The following COLGALT1 variants were observed in gnomAD, a reference collection of about 807,000 sequenced individuals.
The protein encoded by COLGALT1 is procollagen galactosyltransferase 1.
A neutral mutation model predicts 60.8 loss-of-function variants in COLGALT1; 43 were observed. The ratio of observed to expected loss-of-function variants is 0.71; its 90% CI spans 0.55 to 0.91. COLGALT1 has a LOEUF of 0.91. COLGALT1 is among the 40% of genes least tolerant of loss of function. COLGALT1 has a pLI of 0.00. For synonymous variants in COLGALT1, 369 were observed against 374.2 expected, an observed-to-expected ratio of 0.99 and a Z score of 0.16; for missense variants, 845 against 880.0, an observed-to-expected ratio of 0.96 and a Z score of 0.50.
At chr19:17,578,777 G>A (rs572395784) in intron 9 of COLGALT1, among the ~76,000 whole-genome samples, 9 of 152,270 alleles carry the variant, frequency 5.9e-5, no homozygotes, top group African/African-American at 2.2e-4. Flanking sequence ...TTGGGAGGCC[G>A]AGGCAGGCGG....
At chr19:17,580,125 A>G (rs1381036951) in intron 10 of COLGALT1, 2 of 188,018 alleles carry the variant, frequency 1.1e-5, no homozygotes, top group East Asian at 1.4e-4. Flanking sequence ...GTGTGGTCAG[A>G]GCTGGAGGTG....
At chr19:17,567,297 C>A in intron 3 of COLGALT1, 109 bp from the exon 4 acceptor site, 1 of 1,443,922 alleles carries the variant, frequency 6.9e-7, no homozygotes, top group Non-Finnish European at 9.5e-7. Flanking sequence ...GTAGGGGGTG[C>A]TTCCAGAGGT....
chr19:17,559,168 A>T (rs1183101369), intron 1 of COLGALT1, 143 bp from the exon 2 acceptor site: 1 of 674,986 alleles, frequency 1.5e-6, no homozygotes, highest in African/African-American at 1.8e-5. Context: ...TCAAAAAAAA[A>T]CAAAGGAAAG....
rs200477437 is a variant in COLGALT1 at position 17,568,546 on chromosome 19, G to T, written c.662G>T (p.Arg221Leu). 2 of 1,614,150 alleles carry T rather than the reference G, an allele frequency of 1.2e-6. No homozygotes were observed. Among genetic ancestry groups the T allele is most frequent in the Admixed American group, 1.7e-5 (1 of 59,996 alleles). Residue 221 changes from arginine to leucine, a missense_variant, in exon 5 of 12, where the codon CGC becomes CTC. Arg to Leu is a moderately radical substitution (Grantham distance 102). Transcript: ENST00000252599. The stretch of plus-strand genomic sequence containing the variant: ...CGCACACCTGCCTACATCCCTATCC[G>T]CAAGCGAGACCGCCGGGGCTGCTTT... The part of the protein sequence containing the change: ...YKRTPAYIPI[R>L]KRDRRGCFAV...
chr19:17,577,417 G>A lies in COLGALT1; in HGVS notation c.1083G>A (p.Ala361=), dbSNP rs781110203. Residue 361 remains alanine (A), a synonymous_variant, in exon 8 of 12, where the codon GCG becomes GCA. Transcript: ENST00000252599. ...ACCGGCGGGAGCGCATGCTGCGGGC[G>A]CTGCAGGCACAGGAGATCGAGTGCC... ...RQDRRERMLR[A]LQAQEIECRL... 6.4e-7 allele frequency: 1 copy of A among 1,559,472 alleles called. No homozygotes were observed. Among genetic ancestry groups the A allele is most frequent in the Non-Finnish European group, 8.6e-7 (1 of 1,158,952 alleles).
chr19:17,562,149 G>A (rs1012451603), intron 3 of COLGALT1, among the ~76,000 whole-genome samples: 4 of 152,188 alleles, frequency 2.6e-5, no homozygotes, highest in Admixed American at 6.6e-5. Flanking sequence ...TGGGATTATA[G>A]GTGTGAGCCA....
intron 6 of COLGALT1, 95 bp from the exon 7 acceptor site, chr19:17,577,097 CAGT>C: frequency 8.1e-7 from 1 of 1,231,376 alleles, no homozygotes; most frequent in Admixed American, 1.9e-5. Flanking sequence ...TGGGCCGAGC[CAGT>C]CTGACTGGGA....
At chr19:17,556,518 T>C in intron 1 of COLGALT1, 1 of 985,736 alleles carries the variant, frequency 1.0e-6, no homozygotes, top group Non-Finnish European at 1.2e-6. Context: ...CAGGACCAGA[T>C]GGCCCAGGAG....
chr19:17,566,480 T>A (rs1324257854), intron 3 of COLGALT1, among the ~76,000 whole-genome samples: 4 of 151,920 alleles, frequency 2.6e-5, no homozygotes, highest in South Asian at 2.1e-4. Context: ...ATGTGTGATT[T>A]TATATATATA....
chr19:17,567,510 C>T lies in COLGALT1; in HGVS notation c.594C>T (p.Tyr198=). 1.9e-6 allele frequency: 3 copies of T among 1,613,718 alleles called. No individual in the cohort carries two copies. Among genetic ancestry groups the T allele is most frequent in the Non-Finnish European group, 2.5e-6 (3 of 1,179,814 alleles). The change falls in exon 4 of 12, where the codon TAC becomes TAT. Residue 198 remains tyrosine (Y), a synonymous_variant. Transcript: ENST00000252599. ...VAPMLDSRAA[Y]SNFWCGMTSQ... is the part of the protein sequence containing the mutation. ...CCATGCTGGATTCCCGGGCTGCGTA[C>T]TCCAACTTCTGGTGTGGAATGACTT... is the stretch of plus-strand genomic sequence containing the variant.
chr19:17,578,875 G>T (rs1386226592), intron 9 of COLGALT1, among the ~76,000 whole-genome samples: 1 of 152,150 alleles, frequency 6.6e-6, no homozygotes, highest in East Asian at 1.9e-4. Flanking sequence ...TCTGGGTGTG[G>T]TGGTGGGCAC....
chr19:17,577,005 T>TGAAGCTGGGCCCTGGGGTGTGGCCA, intron 6 of COLGALT1, 190 bp from the exon 7 acceptor site: 1 of 323,142 alleles, frequency 3.1e-6, no homozygotes, highest in Non-Finnish European at 5.7e-6. Context: ...GCCAGGGCTT[T>TGAAGCTGGGCCCTGGGGTGTGGCCA]GGGCTGCTGT....
At chr19:17,576,158 G>T (rs764979518) in intron 6 of COLGALT1, among the ~76,000 whole-genome samples, 9 of 152,198 alleles carry the variant, frequency 5.9e-5, no homozygotes, top group Non-Finnish European at 8.8e-5. Flanking sequence ...GGGGCCCAGT[G>T]TGAGCAGACA....
At chr19:17,576,638 G>T (rs1182017084) in intron 6 of COLGALT1, among the ~76,000 whole-genome samples, 3 of 150,476 alleles carry the variant, frequency 2.0e-5, no homozygotes, top group Non-Finnish European at 4.4e-5. Flanking sequence ...GGGGCTGGGG[G>T]TCGGAGCGAA....
intron 1 of COLGALT1, among the ~76,000 whole-genome samples, chr19:17,558,835 C>T (rs780685500): frequency 1.3e-5 from 2 of 152,008 alleles, no homozygotes; most frequent in Non-Finnish European, 2.9e-5. Context: ...TGTTCCCACC[C>T]CCATGTTACA....
chr19:17,562,427 C>G (rs1415915024), intron 3 of COLGALT1, among the ~76,000 whole-genome samples: 1 of 152,072 alleles, frequency 6.6e-6, no homozygotes, highest in Non-Finnish European at 1.5e-5. Context: ...CTTTGAGTGG[C>G]TGAGGCAAGT....
At chr19:17,577,818 C>G (rs1464590918) in intron 8 of COLGALT1, 139 bp from the exon 9 acceptor site, 2 of 1,155,630 alleles carry the variant, frequency 1.7e-6, no homozygotes, top group East Asian at 4.8e-5. Context: ...GAGTGAGGCC[C>G]CATGTGCCCG....
chr19:17,557,985 T>C (rs1208574145), intron 1 of COLGALT1, among the ~76,000 whole-genome samples: 3 of 151,928 alleles, frequency 2.0e-5, no homozygotes, highest in Non-Finnish European at 4.4e-5. Flanking sequence ...TTGCTGAGGC[T>C]GGAGTGCAGT....
In COLGALT1 at chr19:17,560,467, T is replaced by C; in HGVS notation, c.489+2T>C. 6.2e-7 allele frequency: 1 copy of C among 1,613,364 alleles called. No individual in the cohort carries two copies. The highest frequency in any genetic ancestry group is 8.5e-7 in the Non-Finnish European group (1 of 1,179,318). On this transcript the variant is annotated splice_donor_variant, in intron 3 of 11. Coordinates refer to ENST00000252599, the MANE Select transcript of COLGALT1 (RefSeq NM_024656.4). LOFTEE classifies it high-confidence loss of function. ...GACATGTGGGCTGATTACATCCTGGTAAGTTTCTCAGCCGGCCGGATATGG... is the reference window on the plus strand; with the variant it reads ...GACATGTGGGCTGATTACATCCTGGCAAGTTTCTCAGCCGGCCGGATATGG...
Sources: allele counts gnomAD v4.1 joint callset (sites outside exome capture counted in the v4.1 genomes callset), GRCh38; gene constraint gnomAD v4.1.1; transcripts MANE v1.5; gene names NCBI Gene and HGNC (gene_info 2026-07-23, HGNC 2026-07-21).